The following NCAM2 variants were observed in gnomAD, a reference collection of about 807,000 sequenced individuals.
NCAM2 encodes N-CAM-2.
In NCAM2, 30 loss-of-function variants were observed where a neutral mutation model predicts 98.1. That is an observed-to-expected ratio of 0.31 (90% CI 0.23 to 0.41). The LOEUF (loss-of-function observed/expected upper bound fraction) is 0.41, where lower values mean the gene tolerates loss of function less well. Ranked by LOEUF, NCAM2 falls within the 10% of genes least tolerant of loss-of-function variation. The pLI is 1.00. For synonymous variants in NCAM2, 368 were observed against 342.4 expected, an observed-to-expected ratio of 1.07 and a Z score of -0.83; for missense variants, 867 against 1,005.8, an observed-to-expected ratio of 0.86 and a Z score of 1.87.
intron 12 of NCAM2, among the ~76,000 whole-genome samples, chr21:21,449,855 T>C (rs1466250741): frequency 1.3e-5 from 2 of 152,088 alleles, no homozygotes; most frequent in East Asian, 3.9e-4. Flanking sequence ...CAGAGGCTGG[T>C]ACTATCTTGG....
chr21:21,036,417 A>G (rs977788822), intron 1 of NCAM2, among the ~76,000 whole-genome samples: 4 of 152,144 alleles, frequency 2.6e-5, no homozygotes, highest in African/African-American at 7.2e-5. Flanking sequence ...CTTATCTCTT[A>G]TGACACCAAA....
chr21:21,031,228 T>C (rs1181341226), intron 1 of NCAM2, among the ~76,000 whole-genome samples: 6 of 152,208 alleles, frequency 3.9e-5, no homozygotes, highest in Admixed American at 6.5e-5. Context: ...GTTTTGGCCA[T>C]TTTAAATTTC....
chr21:21,172,642 G>C (rs1240960839), intron 1 of NCAM2, among the ~76,000 whole-genome samples: 1 of 152,040 alleles, frequency 6.6e-6, no homozygotes, highest in Non-Finnish European at 1.5e-5. Flanking sequence ...CCTTTAACTG[G>C]ATAAAGTGTT....
chr21:21,454,865 A>T (rs1279997611), intron 12 of NCAM2, among the ~76,000 whole-genome samples: 1 of 151,980 alleles, frequency 6.6e-6, no homozygotes, highest in Non-Finnish European at 1.5e-5. Context: ...CTTAATAAAT[A>T]GAAAAAGAAA....
chr21:21,437,187 A>G (rs2146058548), intron 12 of NCAM2, among the ~76,000 whole-genome samples: 1 of 152,250 alleles, frequency 6.6e-6, no homozygotes, highest in African/African-American at 2.4e-5. Flanking sequence ...GCTACAGTTC[A>G]GGCTCCAGTG....
chr21:21,367,829 T>C (rs2148023588), intron 8 of NCAM2, among the ~76,000 whole-genome samples: 1 of 151,988 alleles, frequency 6.6e-6, no homozygotes, highest in African/African-American at 2.4e-5. Flanking sequence ...GCTTTAGAGA[T>C]TATAGGTGCC....
At chr21:21,266,435 C>T (rs9982596) in intron 1 of NCAM2, among the ~76,000 whole-genome samples, 14,377 of 151,914 alleles carry the variant, frequency 0.095, 1,212 homozygotes, top group East Asian at 0.34. Context: ...AATAATTATG[C>T]GGTACTATTC....
In NCAM2 at chr21:21,509,022, G is replaced by C. The variant is rs1198672014; in HGVS notation, c.2249G>C (p.Ser750Thr). 6.2e-7 allele frequency: 1 copy of C among 1,613,340 alleles called. No homozygotes were observed. Among genetic ancestry groups the C allele is most frequent in the Admixed American group, 1.7e-5 (1 of 59,914 alleles). ...AAGAAAAGTGGCTCCAGTGGCAAAA[G>C]TAAAGAACTCGAAGAAGGAAAAGCT... The part of the protein sequence containing the change: ...CGKKSGSSGK[S>T]KELEEGKAAY... Residue 750 changes from serine to threonine, a missense_variant, in exon 16 of 18, where the codon AGT (serine) becomes ACT (threonine). Ser to Thr is a moderately conservative substitution (Grantham distance 58). This residue lies in a region of NCAM2 where 125 missense variants were observed against 116.1 expected (regional missense o/e 1.08). Transcript: ENST00000400546.
intron 12 of NCAM2, among the ~76,000 whole-genome samples, chr21:21,441,080 C>A (rs1026448765): frequency 3.3e-5 from 5 of 152,196 alleles, no homozygotes; most frequent in African/African-American, 1.2e-4. Context: ...CATCATACTT[C>A]ACTCTCAATT....
rs1990178182 is a variant in NCAM2 at position 21,540,266 on chromosome 21, C to CACATATATATATATACACATATATAT, written c.*2324_*2349dup. 1.5e-5 allele frequency: 2 copies of CACATATATATATATACACATATATAT among 129,690 alleles called. No individual in the cohort carries two copies. The highest frequency in any genetic ancestry group is 1.7e-5 in the Non-Finnish European group (1 of 59,296). 8.0% of individuals were successfully genotyped at this position (129,690 alleles called of 1,614,324 possible). A position where few individuals can be genotyped will look rare whatever the true frequency, so the allele number is the denominator to read the frequency against. Reference sequence around the variant, plus strand: ...TTGACATATATTTCATATATATATACACATATATATATATACACATATATA... The same window carrying CACATATATATATATACACATATATAT: ...TTGACATATATTTCATATATATATACACATATATATATATACACATATATATACATATATATATATACACATATATA... On this transcript the variant is annotated 3_prime_UTR_variant, in exon 18 of 18. Transcript: ENST00000400546.
In NCAM2 at chr21:21,508,958, T is replaced by G; in HGVS notation, c.2185T>G (p.Cys729Gly). 1 of 1,613,494 alleles carries G rather than the reference T, an allele frequency of 6.2e-7. No individual in the cohort carries two copies. The highest frequency in any genetic ancestry group is 1.3e-5 in the African/African-American group (1 of 74,884). The change falls in exon 16 of 18, where the codon TGT (cysteine) becomes GGT (glycine). Residue 729 changes from cysteine (C) to glycine (G), a missense_variant. This residue lies in a region of NCAM2 where 234 missense variants were observed against 333.8 expected (regional missense o/e 0.70). Transcript: ENST00000400546. ...TDVSCFFIRQ[C>G]GLLMCITRRM... The stretch of plus-strand genomic sequence containing the variant: ...CGTCAGCTGCTTCTTTATTCGGCAA[T>G]GTGGGTTGCTGATGTGCATCACTAG...
rs558693680 is a variant in NCAM2 at position 21,132,629 on chromosome 21, A to G, written c.55+134011A>G. ...TTAAAATAACTTATTACTAAATTCC[A>G]TAAGCCTTACTAAAGACTTTAAAGT... On this transcript the variant is annotated intron_variant, in intron 1 of 17. Transcript: ENST00000400546. Among the ~76,000 whole-genome samples the G allele has an allele frequency of 6.5e-4, 99 of 152,296 alleles. 1 individual carries two copies. The highest frequency in any genetic ancestry group is 3.4e-3 in the Middle Eastern group (1 of 294).
At chr21:21,286,136 A>T in intron 3 of NCAM2, 133 bp from the exon 4 acceptor site, 4 of 986,632 alleles carry the variant, frequency 4.1e-6, no homozygotes, top group Non-Finnish European at 5.8e-6. Flanking sequence ...CTAGTTTAAG[A>T]TTTTAAAGTA....
chr21:21,245,603 G>C (rs1376192859), intron 1 of NCAM2, among the ~76,000 whole-genome samples: 2 of 152,136 alleles, frequency 1.3e-5, no homozygotes, highest in African/African-American at 4.8e-5. Context: ...GACCCAAATT[G>C]CCCGAGGTTG....
At chr21:21,515,988 G>C (rs73896948) in intron 16 of NCAM2, among the ~76,000 whole-genome samples, 1,702 of 152,214 alleles carry the variant, frequency 0.011, 39 homozygotes, top group African/African-American at 0.039. Flanking sequence ...GAATTGTTCA[G>C]TAAATAACTC....
chr21:21,119,569 T>TA (rs11381526), intron 1 of NCAM2, among the ~76,000 whole-genome samples: 152,327 of 152,328 alleles, frequency 1, 76,163 homozygotes, highest in Non-Finnish European at 1. Context: ...AGAAAATGTA[T>TA]CAACTAATTA....
intron 1 of NCAM2, among the ~76,000 whole-genome samples, chr21:21,120,847 T>A (rs1019016419): frequency 2.0e-5 from 3 of 151,572 alleles, no homozygotes; most frequent in Non-Finnish European, 4.4e-5. Context: ...GCCTCCCGAG[T>A]AGCTGGGATT....
intron 1 of NCAM2, among the ~76,000 whole-genome samples, chr21:21,081,572 A>G (rs7509832): frequency 0.97 from 147,006 of 152,182 alleles, 71,176 homozygotes; most frequent in Non-Finnish European, 1. Context: ...AGGCTGAGAC[A>G]AACAGATCAC....
chr21:21,421,997 G>A (rs1378823813), intron 11 of NCAM2, among the ~76,000 whole-genome samples: 3 of 152,040 alleles, frequency 2.0e-5, no homozygotes, highest in Non-Finnish European at 2.9e-5. Context: ...TCGGAATGAG[G>A]TAGGCATCTG....
Sources: allele counts gnomAD v4.1 joint callset (sites outside exome capture counted in the v4.1 genomes callset), GRCh38; gene constraint gnomAD v4.1.1; regional missense constraint gnomAD v4.1.1; transcripts MANE v1.5; gene names NCBI Gene and HGNC (gene_info 2026-07-23, HGNC 2026-07-21).